Variants in CNTN4 observed in about 807,000 individuals in gnomAD.
CNTN4 encodes contactin 4.
CNTN4 carries 77 observed loss-of-function variants against 122.5 expected under a neutral mutation model. That is an observed-to-expected ratio of 0.63 (90% CI 0.52 to 0.76). The LOEUF (loss-of-function observed/expected upper bound fraction) is 0.76. Among genes scored for constraint, CNTN4 ranks in the 30% least tolerant of loss-of-function variants. The pLI is 0.00. For missense variants in CNTN4, 1,256 were observed against 1,259.1 expected (o/e 1.00, Z 0.04); for synonymous variants, 512 against 447.0 (o/e 1.15, Z -1.83).
At chr3:2,235,207 T>C (rs984283660) in intron 2 of CNTN4, among the ~76,000 whole-genome samples, 2 of 152,196 alleles carry the variant, frequency 1.3e-5, no homozygotes, top group South Asian at 4.1e-4. Context: ...TGTGAATAGT[T>C]TGAGATGTAA....
chr3:2,609,515 T>G (rs1283144330), intron 4 of CNTN4, among the ~76,000 whole-genome samples: 1 of 152,226 alleles, frequency 6.6e-6, no homozygotes, highest in Non-Finnish European at 1.5e-5. Flanking sequence ...AGATTTAATA[T>G]GGAATCCCAA....
At chr3:2,267,928 C>T (rs564881797) in intron 2 of CNTN4, among the ~76,000 whole-genome samples, 16 of 151,802 alleles carry the variant, frequency 1.1e-4, no homozygotes, top group African/African-American at 3.6e-4. Flanking sequence ...TTGACTTTTA[C>T]GCTAGAGTTA....
At chr3:2,790,577 C>T (rs185100205) in intron 6 of CNTN4, among the ~76,000 whole-genome samples, 3 of 152,118 alleles carry the variant, frequency 2.0e-5, no homozygotes, top group Admixed American at 1.3e-4. Flanking sequence ...TGAGAACTTT[C>T]TGTTTAACAT....
At chr3:2,802,266 G>A (rs2092366231) in intron 6 of CNTN4, among the ~76,000 whole-genome samples, 1 of 152,168 alleles carries the variant, frequency 6.6e-6, no homozygotes, top group Non-Finnish European at 1.5e-5. Context: ...CTTGTGAAGA[G>A]CAGCAAAATA....
rs183879618 is a variant in CNTN4 at position 2,563,265 on chromosome 3, C to A, written c.-88-8151C>A. Among the ~76,000 whole-genome samples, 252 of 152,180 alleles carry A rather than the reference C, an allele frequency of 1.7e-3. 3 individuals carry two copies. The highest frequency in any genetic ancestry group is 3.2e-3 in the Non-Finnish European group (217 of 68,006). Reference sequence around the variant, plus strand: ...TATAAGTTTTTGAAATCTCATCAAACTATACATAAAAAGAACGCATGTCAG... The same window carrying A: ...TATAAGTTTTTGAAATCTCATCAAAATATACATAAAAAGAACGCATGTCAG... On this transcript the variant is annotated intron_variant, in intron 3 of 24. Transcript: ENST00000418658.
chr3:2,149,805 G>T (rs1004698046), intron 2 of CNTN4, among the ~76,000 whole-genome samples: 1 of 152,034 alleles, frequency 6.6e-6, no homozygotes, highest in Non-Finnish European at 1.5e-5. Flanking sequence ...TGCAACTACA[G>T]GTTGTGTAGT....
chr3:2,603,357 A>G (rs2081126866), intron 4 of CNTN4, among the ~76,000 whole-genome samples: 1 of 152,178 alleles, frequency 6.6e-6, no homozygotes. Flanking sequence ...GTGTGGGAAA[A>G]TCATTAGAAA....
At chr3:2,238,575 C>G (rs1420207981) in intron 2 of CNTN4, among the ~76,000 whole-genome samples, 1 of 151,586 alleles carries the variant, frequency 6.6e-6, no homozygotes, top group Admixed American at 6.6e-5. Flanking sequence ...TTCCCTTCAG[C>G]TATTTATTTG....
chr3:2,337,326 A>G (rs1231183826), intron 2 of CNTN4, among the ~76,000 whole-genome samples: 2 of 152,140 alleles, frequency 1.3e-5, no homozygotes, highest in Non-Finnish European at 2.9e-5. Context: ...TTGGGAACAT[A>G]TGTTTTCTTG....
In CNTN4 at chr3:2,563,825, G is replaced by C. The variant is rs1404551105; in HGVS notation, c.-88-7591G>C. Among the ~76,000 whole-genome samples, 3 of 151,970 alleles carry C rather than the reference G, an allele frequency of 2.0e-5. No homozygotes were observed. In the East Asian group the frequency reaches 5.8e-4, roughly 29 times the overall value. ...GTGTTTAAAAATATTGAAAGCATTA[G>C]CTATGATAGAATGTTTAGGATGAAT... On this transcript the variant is annotated intron_variant, in intron 3 of 24. Coordinates refer to ENST00000418658, the MANE Select transcript of CNTN4 (RefSeq NM_175607.3).
intron 14 of CNTN4, among the ~76,000 whole-genome samples, chr3:3,023,736 C>T (rs556782444): frequency 6.6e-6 from 1 of 152,306 alleles, no homozygotes; most frequent in Non-Finnish European, 1.5e-5. Flanking sequence ...CTGACACGTG[C>T]AGTGAAGCCC....
At chr3:2,264,346 C>T (rs912333041) in intron 2 of CNTN4, among the ~76,000 whole-genome samples, 1 of 151,954 alleles carries the variant, frequency 6.6e-6, no homozygotes, top group Non-Finnish European at 1.5e-5. Context: ...GTGTTTTTTA[C>T]TTGTACTTTT....
At chr3:2,386,294 G>C (rs1348740400) in intron 3 of CNTN4, among the ~76,000 whole-genome samples, 2 of 151,240 alleles carry the variant, frequency 1.3e-5, no homozygotes, top group African/African-American at 2.4e-5. Context: ...CTGTCTGCTT[G>C]ACCTTTGTGT....
intron 4 of CNTN4, among the ~76,000 whole-genome samples, chr3:2,655,805 T>G (rs1268801684): frequency 6.6e-6 from 1 of 152,154 alleles, no homozygotes; most frequent in African/African-American, 2.4e-5. Context: ...GAAACAAACA[T>G]GGAAATCACT....
At chr3:2,336,633 G>A (rs939137733) in intron 2 of CNTN4, among the ~76,000 whole-genome samples, 10 of 152,096 alleles carry the variant, frequency 6.6e-5, no homozygotes, top group African/African-American at 2.4e-4. Flanking sequence ...CATAATAAGG[G>A]TTGTTGAAAC....
intron 3 of CNTN4, among the ~76,000 whole-genome samples, chr3:2,463,690 T>A (rs2151448498): frequency 6.6e-6 from 1 of 152,180 alleles, no homozygotes; most frequent in African/African-American, 2.4e-5. Context: ...ACCTTGGGGA[T>A]GAAGGTTGCA....
chr3:2,802,905 T>C (rs1258547948), intron 6 of CNTN4, among the ~76,000 whole-genome samples: 1 of 152,192 alleles, frequency 6.6e-6, no homozygotes, highest in Admixed American at 6.5e-5. Flanking sequence ...GACTTCAGGA[T>C]AAAGACGAGT....
intron 4 of CNTN4, among the ~76,000 whole-genome samples, chr3:2,627,033 T>C (rs1253633898): frequency 6.6e-6 from 1 of 152,238 alleles, no homozygotes; most frequent in Non-Finnish European, 1.5e-5. Flanking sequence ...ATAATTTGAT[T>C]TGTGCCTCAT....
intron 6 of CNTN4, among the ~76,000 whole-genome samples, chr3:2,779,881 A>G (rs1305758933): frequency 6.6e-6 from 1 of 152,256 alleles, no homozygotes; most frequent in Non-Finnish European, 1.5e-5. Flanking sequence ...TAGAGTAGCA[A>G]TACGTTATTT....
Sources: allele counts gnomAD v4.1 joint callset (sites outside exome capture counted in the v4.1 genomes callset), GRCh38; gene constraint gnomAD v4.1.1; transcripts MANE v1.5; gene names NCBI Gene and HGNC (gene_info 2026-07-23, HGNC 2026-07-21).